Variants in FGD4 observed in about 807,000 individuals in gnomAD.
The protein encoded by FGD4 is FYVE, RhoGEF and PH domain-containing protein 4.
A neutral mutation model predicts 102.0 loss-of-function variants in FGD4; 42 were observed. The observed-to-expected ratio is 0.41, with a 90% CI of 0.32 to 0.53. The LOEUF (loss-of-function observed/expected upper bound fraction) is 0.53, where lower values mean the gene tolerates loss of function less well. Among genes scored for constraint, FGD4 ranks in the 20% least tolerant of loss-of-function variants. The pLI, the probability that FGD4 is intolerant of heterozygous loss-of-function variation, is 0.21. For missense variants in FGD4, 902 were observed against 1,078.2 expected (o/e 0.84, Z 2.29); for synonymous variants, 380 against 375.7 (o/e 1.01, Z -0.13).
At chr12:32,486,536 C>A (rs7977566) in intron 1 of FGD4, among the ~76,000 whole-genome samples, 49,844 of 151,968 alleles carry the variant, frequency 0.33, 8,256 homozygotes, top group East Asian at 0.45. Flanking sequence ...TGTCTTCTTT[C>A]TATTTCTAAT....
chr12:32,532,562 A>T (rs1941903811), intron 1 of FGD4, among the ~76,000 whole-genome samples: 1 of 152,044 alleles, frequency 6.6e-6, no homozygotes, highest in Non-Finnish European at 1.5e-5. Flanking sequence ...CAGAGAGCAC[A>T]TGTTAGCTTT....
At chr12:32,565,292 A>G (rs180946123) in intron 2 of FGD4, among the ~76,000 whole-genome samples, 16 of 152,184 alleles carry the variant, frequency 1.1e-4, no homozygotes, top group Admixed American at 1.3e-4. Context: ...CACTACAATT[A>G]TATTTGTGGT....
intron 1 of FGD4, among the ~76,000 whole-genome samples, chr12:32,525,740 G>C (rs923154255): frequency 2.0e-5 from 3 of 152,232 alleles, no homozygotes; most frequent in African/African-American, 2.4e-5. Flanking sequence ...CCAGGTGGGC[G>C]TGGGCTTGGT....
intron 1 of FGD4, among the ~76,000 whole-genome samples, chr12:32,522,500 T>C (rs1940652102): frequency 1.3e-5 from 2 of 152,202 alleles, no homozygotes; most frequent in Non-Finnish European, 2.9e-5. Flanking sequence ...AATGAAAGCC[T>C]TCCTTCTTCT....
chr12:32,602,032 T>A, intron 6 of FGD4, 129 bp from the exon 7 acceptor site: 1 of 778,630 alleles, frequency 1.3e-6, no homozygotes, highest in Middle Eastern at 3.7e-4. Flanking sequence ...GGAGGATTGA[T>A]TGAACCTGGG....
At chr12:32,529,015 G>A (rs1941532271) in intron 1 of FGD4, among the ~76,000 whole-genome samples, 1 of 152,144 alleles carries the variant, frequency 6.6e-6, no homozygotes, top group Non-Finnish European at 1.5e-5. Context: ...TACAAAAATG[G>A]CTTGGTACAA....
intron 1 of FGD4, among the ~76,000 whole-genome samples, chr12:32,504,567 G>A (rs1303531150): frequency 6.6e-6 from 1 of 152,208 alleles, no homozygotes; most frequent in African/African-American, 2.4e-5. Context: ...TGTCTGAGGT[G>A]TCTGTGGTTT....
At chr12:32,612,062 T>C (rs1949174507) in intron 10 of FGD4, among the ~76,000 whole-genome samples, 1 of 152,236 alleles carries the variant, frequency 6.6e-6, no homozygotes, top group Admixed American at 6.5e-5. Flanking sequence ...GCAGCGCTGA[T>C]ATGCCAGCCC....
chr12:32,437,363 G>T (rs1591899283), intron 1 of FGD4, among the ~76,000 whole-genome samples: 1 of 152,152 alleles, frequency 6.6e-6, no homozygotes, highest in African/African-American at 2.4e-5. Context: ...AGAAAGAAAA[G>T]CCCTCTGCTC....
chr12:32,400,091 G>A, intron 1 of FGD4, 132 bp downstream of exon 1: 1 of 1,297,098 alleles, frequency 7.7e-7, no homozygotes, highest in Non-Finnish European at 1.0e-6. Flanking sequence ...GTTCATTGTG[G>A]AAGGCTGCGC....
intron 10 of FGD4, among the ~76,000 whole-genome samples, chr12:32,615,700 C>G (rs112310789): frequency 6.6e-6 from 1 of 151,748 alleles, no homozygotes; most frequent in Non-Finnish European, 1.5e-5. Flanking sequence ...GAAGCACCAG[C>G]GTCAGGAGGC....
chr12:32,563,114 C>G (rs1316560981), intron 1 of FGD4, among the ~76,000 whole-genome samples: 2 of 150,948 alleles, frequency 1.3e-5, no homozygotes, highest in African/African-American at 4.9e-5. Context: ...ACCTCCCTCC[C>G]GGACGGGACG....
At chr12:32,432,988 G>A (rs1942105395) in intron 1 of FGD4, among the ~76,000 whole-genome samples, 1 of 151,810 alleles carries the variant, frequency 6.6e-6, no homozygotes, top group Admixed American at 6.6e-5. Context: ...ATATTTTTCT[G>A]GAATAAGATT....
chr12:32,629,329 G>A (rs1008861412), intron 14 of FGD4, among the ~76,000 whole-genome samples: 2 of 152,172 alleles, frequency 1.3e-5, no homozygotes, highest in Admixed American at 1.3e-4. Flanking sequence ...GAAAAATGAA[G>A]CAAGTTGAAA....
Position 32,638,525 on chromosome 12 carries a change from A to G in FGD4, c.2314-130A>G, listed in dbSNP as rs572660920. 3.8e-5 allele frequency: 48 copies of G among 1,247,452 alleles called. No individual in the cohort carries two copies. The East Asian group carries it at 1.1e-3, about 29-fold the overall frequency. 77.3% of individuals were successfully genotyped at this position (1,247,452 alleles called of 1,614,324 possible). A position where few individuals can be genotyped will look rare whatever the true frequency, so the allele number is the denominator to read the frequency against. ...ATATTTTCCATGTTAAAATGTTTAA[A>G]CAATAATTGCAAATGAATCTTTTTT... On this transcript the variant is annotated intron_variant, in intron 15 of 16. Coordinates refer to ENST00000534526, the MANE Select transcript of FGD4 (RefSeq NM_001370298.3).
intron 1 of FGD4, among the ~76,000 whole-genome samples, chr12:32,465,921 G>A (rs1231893730): frequency 2.0e-5 from 3 of 152,102 alleles, no homozygotes; most frequent in African/African-American, 7.2e-5. Context: ...TGGGACCACA[G>A]TCATACGCCA....
intron 3 of FGD4, among the ~76,000 whole-genome samples, chr12:32,577,567 A>G (rs906710662): frequency 4.6e-5 from 7 of 152,142 alleles, no homozygotes; most frequent in African/African-American, 1.2e-4. Context: ...GGCCCCGTCT[A>G]TTTTACAAAG....
chr12:32,635,175 A>G (rs1950732655), intron 15 of FGD4, among the ~76,000 whole-genome samples: 1 of 152,190 alleles, frequency 6.6e-6, no homozygotes, highest in Admixed American at 6.5e-5. Context: ...CTTCCAGGGT[A>G]TAGATGTTAC....
intron 4 of FGD4, 30 bp downstream of exon 4, chr12:32,582,497 G>A (rs1176656398): frequency 6.2e-6 from 10 of 1,604,172 alleles, no homozygotes; most frequent in Non-Finnish European, 8.5e-6. Flanking sequence ...CATGAGCAGG[G>A]AAAACCCTGC....
Sources: gnomAD v4.1 joint callset for allele counts (sites outside exome capture counted in the v4.1 genomes callset) on GRCh38, gnomAD v4.1.1 for gene constraint, MANE v1.5 for transcripts, NCBI Gene and HGNC (gene_info 2026-07-23, HGNC 2026-07-21) for gene names.